Variants in SDK2 observed in about 807,000 individuals in gnomAD.
SDK2 encodes sidekick cell adhesion molecule 2, also known as protein sidekick-2.
Under a neutral mutation model 253.9 loss-of-function variants are expected in SDK2, and 105 were observed. That is an observed-to-expected ratio of 0.41 (90% CI 0.35 to 0.49). The LOEUF (loss-of-function observed/expected upper bound fraction) is 0.49, where lower values mean the gene tolerates loss of function less well. Among genes scored for constraint, SDK2 ranks in the 20% least tolerant of loss-of-function variants. The pLI, the probability that SDK2 is intolerant of heterozygous loss-of-function variation, is 0.06. For synonymous variants in SDK2, 1,249 were observed against 1,234.9 expected, an observed-to-expected ratio of 1.01 and a Z score of -0.24; for missense variants, 2,608 against 3,003.0, an observed-to-expected ratio of 0.87 and a Z score of 3.07.
At chr17:73,554,085 T>A (rs1016966463) in intron 1 of SDK2, among the ~76,000 whole-genome samples, 2 of 152,092 alleles carry the variant, frequency 1.3e-5, no homozygotes, top group African/African-American at 2.4e-5. Context: ...CTGGAGCAGA[T>A]CCCTTGTCCT....
At position 73,338,782 on chromosome 17, in the gene SDK2, A is replaced by G. The variant is rs774832542; in HGVS notation, c.6324T>C (p.Gly2108=). 1.9e-6 allele frequency: 3 copies of G among 1,613,668 alleles called. No homozygotes were observed. The highest frequency in any genetic ancestry group is 2.2e-5 in the South Asian group (2 of 91,068). ...TGGTGACGGTGGTGTGGTCTGGCTC[A>G]CCCGAGTCGCTCTCCGTGTAGCTGT... ...QAYSYTESDS[G]EPDHTTVTNS... The change falls in exon 45 of 45, where the codon GGT becomes GGC. Residue 2108 remains glycine, a synonymous_variant. Coordinates refer to ENST00000392650, the MANE Select transcript of SDK2 (RefSeq NM_001144952.2). The surrounding 1 kb of genome is among the most constrained non-coding windows in gnomAD (Gnocchi z 5.0).
At chr17:73,584,591 C>T (rs2145888165) in intron 1 of SDK2, among the ~76,000 whole-genome samples, 2 of 152,336 alleles carry the variant, frequency 1.3e-5, no homozygotes, top group East Asian at 3.9e-4. Flanking sequence ...CCTTCTGGGA[C>T]CAGTGCTGGA....
chr17:73,430,577 C>A lies in SDK2; in HGVS notation c.1517G>T (p.Ser506Ile). 1 of 1,591,118 alleles carries A rather than the reference C, an allele frequency of 6.3e-7. No individual in the cohort carries two copies. ...TRITKPPQDQSVIKGTQASMV... is the reference protein window; with the variant it reads ...TRITKPPQDQIVIKGTQASMV... ...GGAGGCCTGGGTGCCCTTGATGACA[C>A]TCTGATCCTGGGGGGGCTTGGTGAT... is the stretch of plus-strand genomic sequence containing the variant. Residue 506 changes from serine (S) to isoleucine (I), a missense_variant, in exon 12 of 45, where the codon AGT (serine) becomes ATT (isoleucine). Transcript: ENST00000392650.
At chr17:73,555,527 T>G (rs2045130116) in intron 1 of SDK2, among the ~76,000 whole-genome samples, 1 of 152,214 alleles carries the variant, frequency 6.6e-6, no homozygotes, top group Non-Finnish European at 1.5e-5. Context: ...CAGGCCTCTC[T>G]GCCCCTGGGC....
intron 37 of SDK2, among the ~76,000 whole-genome samples, chr17:73,367,840 A>C (rs1449694652): frequency 6.6e-6 from 1 of 152,062 alleles, no homozygotes; most frequent in East Asian, 1.9e-4. Context: ...TCACCTCCTC[A>C]GGGAGGGCTT....
chr17:73,603,254 G>A (rs2045865211), intron 1 of SDK2, among the ~76,000 whole-genome samples: 2 of 152,210 alleles, frequency 1.3e-5, no homozygotes, highest in African/African-American at 4.8e-5. Flanking sequence ...TTGGTGGAGA[G>A]TGAGGGGTTA....
At chr17:73,509,734 C>T (rs1027409611) in intron 1 of SDK2, among the ~76,000 whole-genome samples, 3 of 148,616 alleles carry the variant, frequency 2.0e-5, no homozygotes, top group African/African-American at 7.5e-5. Flanking sequence ...CCCATCTCTA[C>T]GAAAATACAA....
At position 73,352,467 on chromosome 17, in the gene SDK2, C is replaced by T. The variant is rs757337230; in HGVS notation, c.5758+6G>A. On this transcript the variant is annotated splice_donor_region_variant and intron_variant, in intron 41 of 44. Transcript: ENST00000392650. The surrounding 1 kb of genome is among the most constrained non-coding windows in gnomAD (Gnocchi z 4.1). ...TCCCCCACTCCCTCAGCCCCCAGGC[C>T]GGTACCTGGCACAGACTGGGAGGGG... 5.8e-5 allele frequency: 93 copies of T among 1,609,860 alleles called. No individual in the cohort carries two copies. The highest frequency in any genetic ancestry group is 7.4e-5 in the Non-Finnish European group (87 of 1,178,422).
At chr17:73,598,941 T>C (rs907755378) in intron 1 of SDK2, among the ~76,000 whole-genome samples, 4 of 152,258 alleles carry the variant, frequency 2.6e-5, no homozygotes, top group Admixed American at 2.6e-4. Flanking sequence ...TTTCTTCAAG[T>C]AGTGGAACCC....
chr17:73,556,788 G>C (rs1411263364), intron 1 of SDK2, among the ~76,000 whole-genome samples: 2 of 152,188 alleles, frequency 1.3e-5, no homozygotes, highest in Non-Finnish European at 2.9e-5. Flanking sequence ...GTTCACATCT[G>C]AGCTCTGCCC....
At chr17:73,391,609 C>A (rs1473538902) in intron 27 of SDK2, 71 bp from the exon 28 acceptor site, 16 of 815,062 alleles carry the variant, frequency 2.0e-5, no homozygotes, top group Non-Finnish European at 3.4e-6. Flanking sequence ...CCAGCTCGGG[C>A]AGAGCAGCCT....
Position 73,569,603 on chromosome 17 carries a change from G to A in SDK2, c.65-62006C>T, listed in dbSNP as rs533781505. On this transcript the variant is annotated intron_variant, in intron 1 of 44. Transcript: ENST00000392650. ...TTCAAAAGCAATCCCCACCCCCAAC[G>A]AATTAAATCAGAATTAGTCAGGGCT... Among the ~76,000 whole-genome samples, 139 of 145,974 alleles carry A rather than the reference G, an allele frequency of 9.5e-4. 2 individuals are homozygous for A. Among genetic ancestry groups the A allele is most frequent in the African/African-American group, 3.2e-3 (129 of 40,046 alleles).
chr17:73,377,175 G>A (rs1157398327), intron 36 of SDK2, among the ~76,000 whole-genome samples: 1 of 149,278 alleles, frequency 6.7e-6, no homozygotes, highest in Non-Finnish European at 1.5e-5. Flanking sequence ...TAAGGGTTAT[G>A]TGTTCCAGCT....
chr17:73,429,393 T>C (rs940678338), intron 12 of SDK2, among the ~76,000 whole-genome samples: 1 of 152,266 alleles, frequency 6.6e-6, no homozygotes, highest in Non-Finnish European at 1.5e-5. Flanking sequence ...ATGTGATGAC[T>C]GCCTTAAGTG....
Position 73,437,734 on chromosome 17 carries a change from A to G in SDK2, c.1000+5T>C. On this transcript the variant is annotated splice_donor_5th_base_variant and intron_variant, in intron 8 of 44. Transcript: ENST00000392650. ...TGTCCCCCTCCAGCGGTGCCACCTC[A>G]TTACCTTTGGCCTGACAGGGGATGT... is the stretch of plus-strand genomic sequence containing the variant. 6.2e-7 allele frequency: 1 copy of G among 1,613,104 alleles called. No individual in the cohort carries two copies. The highest frequency in any genetic ancestry group is 8.5e-7 in the Non-Finnish European group (1 of 1,179,110).
intron 18 of SDK2, among the ~76,000 whole-genome samples, chr17:73,408,218 A>ATTT (rs1315820128): frequency 2.9e-4 from 37 of 129,574 alleles, no homozygotes; most frequent in African/African-American, 1.0e-3. Context: ...CACCTGGCTA[A>ATTT]TTTTTTTTTT....
intron 1 of SDK2, among the ~76,000 whole-genome samples, chr17:73,572,885 G>A (rs1305497424): frequency 6.6e-6 from 1 of 152,144 alleles, no homozygotes; most frequent in Non-Finnish European, 1.5e-5. Context: ...CTTCCTCCCG[G>A]GGAGCCTCCC....
chr17:73,425,185 A>G (rs902623597), intron 12 of SDK2, among the ~76,000 whole-genome samples: 5 of 152,198 alleles, frequency 3.3e-5, no homozygotes, highest in African/African-American at 9.6e-5. Flanking sequence ...GTGCCACTGC[A>G]CTCCAGCCTG....
intron 3 of SDK2, among the ~76,000 whole-genome samples, chr17:73,460,180 C>T (rs368905598): frequency 2.0e-4 from 31 of 152,304 alleles, no homozygotes; most frequent in African/African-American, 7.0e-4. Context: ...TCTCTATACT[C>T]GCCCTTGGAA....
Sources: allele counts gnomAD v4.1 joint callset (sites outside exome capture counted in the v4.1 genomes callset), GRCh38; gene constraint gnomAD v4.1.1; non-coding constraint Gnocchi (gnomAD v3.1); transcripts MANE v1.5; gene names NCBI Gene and HGNC (gene_info 2026-07-23, HGNC 2026-07-21).